FANCC: variants seen among roughly 807,000 people sequenced by gnomAD.
FANCC encodes the protein Fanconi anemia group C protein.
In FANCC, 55 loss-of-function variants were observed where a neutral mutation model predicts 71.3. That is an observed-to-expected ratio of 0.77 (90% CI 0.62 to 0.97). The LOEUF (loss-of-function observed/expected upper bound fraction) is 0.97, where lower values mean the gene tolerates loss of function less well. FANCC is among the 50% of genes least tolerant of loss of function. The probability of loss-of-function intolerance (pLI) is 0.00; values close to 1 mark genes in which losing one functional copy is unlikely to be tolerated. For missense variants in FANCC, 678 were observed against 670.9 expected, an observed-to-expected ratio of 1.01 and a Z score of -0.12; for synonymous variants, 275 against 244.9, an observed-to-expected ratio of 1.12 and a Z score of -1.15.
At chr9:95,171,985 A>G in intron 5 of FANCC, 52 bp downstream of exon 5, 3 of 1,081,620 alleles carry the variant, frequency 2.8e-6, no homozygotes, top group Non-Finnish European at 2.9e-6. Context: ...CTTTTTGCTG[A>G]TGGCACATTC....
chr9:95,193,443 C>T lies in FANCC; in HGVS notation c.346-21296G>A, dbSNP rs144719228. ...TCCTGTATGCTGTGGTAACAGGAGC[C>T]GTGGGTGTGATCAAAGGGTATTCAA... is the stretch of plus-strand genomic sequence containing the variant. On this transcript the variant is annotated intron_variant, in intron 4 of 14. Coordinates refer to ENST00000289081, the MANE Select transcript of FANCC (RefSeq NM_000136.3). Among the ~76,000 whole-genome samples the T allele has an allele frequency of 5.5e-3, 837 of 152,098 alleles. 6 individuals are homozygous for T. The highest frequency in any genetic ancestry group is 0.018 in the African/African-American group (737 of 41,488).
intron 1 of FANCC, among the ~76,000 whole-genome samples, chr9:95,307,070 A>G (rs918590229): frequency 4.6e-5 from 7 of 152,098 alleles, no homozygotes; most frequent in Admixed American, 3.9e-4. Context: ...TTTTTTGTAG[A>G]GACAAGGTTT....
intron 12 of FANCC, among the ~76,000 whole-genome samples, chr9:95,112,054 C>T (rs908826328): frequency 5.9e-5 from 9 of 152,212 alleles, no homozygotes; most frequent in South Asian, 2.1e-4. Flanking sequence ...TCTGACAAGA[C>T]GCAAAGTTCA....
intron 4 of FANCC, among the ~76,000 whole-genome samples, chr9:95,190,747 C>T (rs1168806344): frequency 6.6e-6 from 1 of 152,246 alleles, no homozygotes; most frequent in Non-Finnish European, 1.5e-5. Flanking sequence ...GCATGCTACA[C>T]ATTTTTCTTT....
intron 1 of FANCC, among the ~76,000 whole-genome samples, chr9:95,304,010 T>C (rs891685715): frequency 7.9e-5 from 12 of 152,288 alleles, no homozygotes; most frequent in African/African-American, 2.9e-4. Flanking sequence ...CACATCATCA[T>C]GAAATTGTAA....
At chr9:95,180,729 T>G (rs1826300530) in intron 4 of FANCC, among the ~76,000 whole-genome samples, 1 of 152,136 alleles carries the variant, frequency 6.6e-6, no homozygotes, top group Non-Finnish European at 1.5e-5. Context: ...AGCCATTTAT[T>G]ATTATCAAGT....
intron 4 of FANCC, among the ~76,000 whole-genome samples, chr9:95,200,207 T>C (rs1042291521): frequency 2.6e-5 from 4 of 152,180 alleles, no homozygotes; most frequent in Non-Finnish European, 5.9e-5. Context: ...TCAGGGACCC[T>C]GGATCTCAGA....
At chr9:95,298,879 G>A (rs369724505) in intron 1 of FANCC, among the ~76,000 whole-genome samples, 138 of 152,174 alleles carry the variant, frequency 9.1e-4, no homozygotes, top group African/African-American at 3.0e-3. Flanking sequence ...TACCACAAAC[G>A]CAATCCAAAA....
intron 4 of FANCC, among the ~76,000 whole-genome samples, chr9:95,235,734 C>T (rs1008637006): frequency 8.3e-5 from 12 of 144,876 alleles, no homozygotes; most frequent in African/African-American, 1.5e-4. Context: ...ATCTGAGCTA[C>T]TTGGGAGGCT....
At chr9:95,275,764 A>C (rs964672958) in intron 1 of FANCC, among the ~76,000 whole-genome samples, 1 of 152,074 alleles carries the variant, frequency 6.6e-6, no homozygotes, top group Non-Finnish European at 1.5e-5. Flanking sequence ...CATGCCTGTA[A>C]TCCCAGCTGC....
rs1352798897 is a variant in FANCC at position 95,105,311 on chromosome 9, C to T, written c.1533+1755G>A. ...ACGTTTCAGTCAGGCCCGGCCTGGACGGGAGCAGGAGGGGCCTCTGGGGAC... is the reference window on the plus strand; with the variant it reads ...ACGTTTCAGTCAGGCCCGGCCTGGATGGGAGCAGGAGGGGCCTCTGGGGAC... On this transcript the variant is annotated intron_variant, in intron 14 of 14. Transcript: ENST00000289081. 2.0e-5 allele frequency among the ~76,000 whole-genome samples: 3 copies of T among 152,258 alleles called. No individual in the cohort carries two copies. The East Asian group carries it at 5.8e-4, about 29-fold the overall frequency.
chr9:95,194,072 GT>G (rs1027569274), intron 4 of FANCC, among the ~76,000 whole-genome samples: 4 of 151,520 alleles, frequency 2.6e-5, no homozygotes, highest in African/African-American at 2.4e-5. Flanking sequence ...AGAGGGTTGT[GT>G]TTTTTTTTAA....
intron 4 of FANCC, among the ~76,000 whole-genome samples, chr9:95,183,784 A>G (rs541951998): frequency 1.2e-4 from 19 of 152,324 alleles, no homozygotes; most frequent in Non-Finnish European, 2.5e-4. Flanking sequence ...GCAAAGGGCC[A>G]TCTTTGCTGA....
intron 1 of FANCC, among the ~76,000 whole-genome samples, chr9:95,274,599 A>G (rs940870440): frequency 2.0e-5 from 3 of 152,326 alleles, no homozygotes; most frequent in African/African-American, 7.2e-5. Context: ...AGGAATTTCC[A>G]CACTGTCTTC....
At chr9:95,214,863 G>A (rs894805173) in intron 4 of FANCC, among the ~76,000 whole-genome samples, 1 of 152,180 alleles carries the variant, frequency 6.6e-6, no homozygotes, top group African/African-American at 2.4e-5. Context: ...GAGAATTACT[G>A]TTGAATGGGT....
intron 10 of FANCC, among the ~76,000 whole-genome samples, chr9:95,117,625 C>T (rs1267781411): frequency 2.7e-5 from 4 of 150,898 alleles, no homozygotes; most frequent in African/African-American, 9.8e-5. Flanking sequence ...CTCTTGATGT[C>T]TTTATGAGTT....
rs572377324 is a variant in FANCC at position 95,224,195 on chromosome 9, T to C, written c.345+16454A>G. On this transcript the variant is annotated intron_variant, in intron 4 of 14. Transcript: ENST00000289081. Reference sequence around the variant, plus strand: ...ACATTTAAACTTTGTTCCTACTTGATGGGTCTTTGCAAAGTCCCTGGCGTG... The same window carrying C: ...ACATTTAAACTTTGTTCCTACTTGACGGGTCTTTGCAAAGTCCCTGGCGTG... Among the ~76,000 whole-genome samples, 202 of 152,302 alleles carry C rather than the reference T, an allele frequency of 1.3e-3. 1 individual carries two copies. Among genetic ancestry groups the C allele is most frequent in the Admixed American group, 4.5e-3 (69 of 15,302 alleles).
chr9:95,160,977 A>G (rs557237981), intron 6 of FANCC, among the ~76,000 whole-genome samples: 1 of 152,306 alleles, frequency 6.6e-6, no homozygotes, highest in Admixed American at 6.5e-5. Context: ...ATGATGGAAG[A>G]GTTTTTACAA....
At chr9:95,179,506 C>T (rs2135655002) in intron 4 of FANCC, among the ~76,000 whole-genome samples, 1 of 152,222 alleles carries the variant, frequency 6.6e-6, no homozygotes, top group Non-Finnish European at 1.5e-5. Flanking sequence ...GCCACCACGC[C>T]CAGCTAATTT....
Sources: gnomAD v4.1 joint callset for allele counts (sites outside exome capture counted in the v4.1 genomes callset) on GRCh38, gnomAD v4.1.1 for gene constraint, MANE v1.5 for transcripts, NCBI Gene and HGNC (gene_info 2026-07-23, HGNC 2026-07-21) for gene names.